ARL8B: variants seen among roughly 807,000 people sequenced by gnomAD.
The protein encoded by ARL8B is ADP-ribosylation factor-like protein 8B.
A neutral mutation model predicts 30.6 loss-of-function variants in ARL8B; 9 were observed. The ratio of observed to expected loss-of-function variants is 0.29; its 90% CI spans 0.18 to 0.51. ARL8B has a LOEUF of 0.51. Ranked by LOEUF, ARL8B falls within the 20% of genes least tolerant of loss-of-function variation. The pLI is 0.97. For missense variants in ARL8B, 130 were observed against 227.2 expected, an observed-to-expected ratio of 0.57 and a Z score of 2.75; for synonymous variants, 74 against 76.0, an observed-to-expected ratio of 0.97 and a Z score of 0.14.
At chr3:5,158,928 G>A (rs2054555178) in intron 1 of ARL8B, among the ~76,000 whole-genome samples, 1 of 152,016 alleles carries the variant, frequency 6.6e-6, no homozygotes, top group Admixed American at 6.6e-5. Context: ...AGTATATGCT[G>A]AAGTCTTCCT....
chr3:5,174,599 CATT>C (rs1022611697), intron 6 of ARL8B, among the ~76,000 whole-genome samples, 185 bp downstream of exon 6: 9 of 149,856 alleles, frequency 6.0e-5, no homozygotes, highest in South Asian at 2.1e-4. Context: ...CACTTAACAT[CATT>C]GATGGCTTCT....
At position 5,124,256 on chromosome 3, in the gene ARL8B, A is replaced by ATTT. The variant is rs35897178; in HGVS notation, c.123+1694_123+1696dup. Among the ~76,000 whole-genome samples, 63 of 105,692 alleles carry ATTT rather than the reference A, an allele frequency of 6.0e-4. 2 individuals carry two copies. Among genetic ancestry groups the ATTT allele is most frequent in the Non-Finnish European group, 9.2e-4 (50 of 54,362 alleles). The allele number at this position is 105,692 out of a possible 152,430, so 69.3% of individuals were successfully genotyped here. A position where few individuals can be genotyped will look rare whatever the true frequency, so the allele number is the denominator to read the frequency against. On this transcript the variant is annotated intron_variant, in intron 1 of 6. Transcript: ENST00000256496. ...GTGGAATGTGTATCTAATACCACTA[A>ATTT]TTTTTTTTTTTTTTTTTTTTTTTTT...
chr3:5,147,637 A>C (rs2054440364), intron 1 of ARL8B, among the ~76,000 whole-genome samples: 1 of 151,938 alleles, frequency 6.6e-6, no homozygotes, highest in Non-Finnish European at 1.5e-5. Flanking sequence ...GGAAACCATG[A>C]TTTTTGCTTT....
intron 1 of ARL8B, among the ~76,000 whole-genome samples, chr3:5,166,625 A>G (rs1340592010): frequency 6.6e-6 from 1 of 152,260 alleles, no homozygotes; most frequent in African/African-American, 2.4e-5. Context: ...GGTGTGAGCC[A>G]CCGCGCCCAG....
chr3:5,153,331 G>A (rs529095482), intron 1 of ARL8B, among the ~76,000 whole-genome samples: 1 of 152,224 alleles, frequency 6.6e-6, no homozygotes, highest in East Asian at 1.9e-4. Context: ...TCTTTCCCAC[G>A]CTGTTTTCCT....
chr3:5,174,000 A>C lies in ARL8B; in HGVS notation c.373-17A>C, dbSNP rs760220235. 6.3e-7 allele frequency: 1 copy of C among 1,590,474 alleles called. No individual in the cohort carries two copies. Among genetic ancestry groups the C allele is most frequent in the Non-Finnish European group, 8.6e-7 (1 of 1,159,374 alleles). ...TCTTGCATAAACGTGTGCTCTTAAT[A>C]TCTTTTCTTTTTAAAGGTGCTAGTG... is the stretch of plus-strand genomic sequence containing the variant. On this transcript the variant is annotated splice_polypyrimidine_tract_variant and intron_variant, in intron 4 of 6. Transcript: ENST00000256496.
At position 5,122,636 on chromosome 3, in the gene ARL8B, C is replaced by A. The variant is rs776516674; in HGVS notation, c.123+48C>A. 27 of 1,559,340 alleles carry A rather than the reference C, an allele frequency of 1.7e-5. No homozygotes were observed. In the African/African-American group the frequency reaches 3.4e-4, roughly 20 times the overall value. On this transcript the variant is annotated intron_variant, in intron 1 of 6. Transcript: ENST00000256496. ...GCCCGGGGCTCCGCAGCCAGGAGTCCGGCCCGGCGCTTCTCCAAGGCCTGA... is the reference window on the plus strand; with the variant it reads ...GCCCGGGGCTCCGCAGCCAGGAGTCAGGCCCGGCGCTTCTCCAAGGCCTGA...
At chr3:5,132,697 A>G (rs1316109736) in intron 1 of ARL8B, among the ~76,000 whole-genome samples, 1 of 152,232 alleles carries the variant, frequency 6.6e-6, no homozygotes, top group East Asian at 1.9e-4. Context: ...TACTGAATGA[A>G]TGAATGAATG....
intron 1 of ARL8B, among the ~76,000 whole-genome samples, chr3:5,145,789 A>C (rs1164385652): frequency 6.6e-6 from 1 of 150,934 alleles, no homozygotes; most frequent in Non-Finnish European, 1.5e-5. Flanking sequence ...TAAACCTAAA[A>C]ATTTTCAGAG....
intron 6 of ARL8B, among the ~76,000 whole-genome samples, chr3:5,175,256 C>T (rs1232239391): frequency 6.6e-6 from 1 of 152,036 alleles, no homozygotes; most frequent in Non-Finnish European, 1.5e-5. Flanking sequence ...TGGCAGTTTC[C>T]AAGAACCTAT....
In ARL8B at chr3:5,169,539, A is replaced by T. The variant is rs537152886; in HGVS notation, c.124-964A>T. Among the ~76,000 whole-genome samples, 69 of 147,630 alleles carry T rather than the reference A, an allele frequency of 4.7e-4. 1 individual carries two copies. The highest frequency in any genetic ancestry group is 8.5e-4 in the South Asian group (4 of 4,730). The stretch of plus-strand genomic sequence containing the variant: ...TATACAAGAGTTCCTATTTCTCTGC[A>T]TTCTTTCCAGTGCTTTCTGTTTTTT... On this transcript the variant is annotated intron_variant, in intron 1 of 6. Transcript: ENST00000256496.
chr3:5,143,657 T>C (rs1409363643), intron 1 of ARL8B, among the ~76,000 whole-genome samples: 1 of 152,230 alleles, frequency 6.6e-6, no homozygotes, highest in Non-Finnish European at 1.5e-5. Context: ...CATAGGGACC[T>C]TCTCAGGTTG....
In ARL8B at chr3:5,122,465, C is replaced by T. The variant is rs2054190454; in HGVS notation, c.-1C>T. 2 of 1,613,156 alleles carry T rather than the reference C, an allele frequency of 1.2e-6. No individual in the cohort carries two copies. Among genetic ancestry groups the T allele is most frequent in the South Asian group, 1.1e-5 (1 of 91,032 alleles). On this transcript the variant is annotated 5_prime_UTR_variant, in exon 1 of 7. Coordinates refer to ENST00000256496, the MANE Select transcript of ARL8B (RefSeq NM_018184.3). ...GTCCGTTCTCGCTCCCGGCCGCCAT[C>T]ATGCTGGCGCTCATCTCCCGCCTGC...
intron 1 of ARL8B, among the ~76,000 whole-genome samples, chr3:5,154,160 C>CTTTGGAAAT (rs2054512399): frequency 6.6e-6 from 1 of 151,824 alleles, no homozygotes; most frequent in Admixed American, 6.6e-5. Context: ...GTAATTTTGT[C>CTTTGGAAAT]TTTGGAAATT....
chr3:5,161,587 A>C (rs2054581303), intron 1 of ARL8B, among the ~76,000 whole-genome samples: 1 of 152,232 alleles, frequency 6.6e-6, no homozygotes, highest in Admixed American at 6.5e-5. Context: ...TAGTATAGGC[A>C]CTTAGGAGAA....
chr3:5,152,331 CT>C (rs1480392892), intron 1 of ARL8B, among the ~76,000 whole-genome samples: 3 of 152,044 alleles, frequency 2.0e-5, no homozygotes, highest in African/African-American at 7.2e-5. Context: ...TGTAATGTCC[CT>C]CTTTATCCTT....
At chr3:5,173,746 A>C (rs150742911) in intron 4 of ARL8B, among the ~76,000 whole-genome samples, 32 of 146,028 alleles carry the variant, frequency 2.2e-4, no homozygotes, top group Middle Eastern at 3.3e-3. Context: ...AACAAACAAA[A>C]AGAATAGCAG....
chr3:5,128,369 G>GAA, intron 1 of ARL8B: 1 of 427,188 alleles, frequency 2.3e-6, no homozygotes, highest in South Asian at 1.7e-5. Context: ...CTGAGTTGTG[G>GAA]AAAATGAGGC....
intron 1 of ARL8B, among the ~76,000 whole-genome samples, chr3:5,135,110 A>G (rs1465540721): frequency 6.6e-6 from 1 of 152,076 alleles, no homozygotes; most frequent in East Asian, 1.9e-4. Context: ...CAGCCTCCCA[A>G]AGTGTTGGGA....
Sources: allele counts gnomAD v4.1 joint callset (sites outside exome capture counted in the v4.1 genomes callset), GRCh38; gene constraint gnomAD v4.1.1; transcripts MANE v1.5; gene names NCBI Gene and HGNC (gene_info 2026-07-23, HGNC 2026-07-21).